The following CCDC171 variants were observed in gnomAD, a reference collection of about 807,000 sequenced individuals.
CCDC171 encodes coiled-coil domain containing 171.
Under a neutral mutation model 168.2 loss-of-function variants are expected in CCDC171, and 177 were observed. That is an observed-to-expected ratio of 1.05 (90% CI 0.93 to 1.19). The LOEUF (loss-of-function observed/expected upper bound fraction) is 1.19. Among genes scored for constraint, CCDC171 ranks in the 50% most tolerant of loss-of-function variants. The pLI, the probability that CCDC171 is intolerant of heterozygous loss-of-function variation, is 0.00. For synonymous variants in CCDC171, 687 were observed against 540.8 expected (o/e 1.27, Z -3.75); for missense variants, 1,991 against 1,539.0 (o/e 1.29, Z -4.91).
At chr9:15,922,315 GT>G (rs1316480254) in intron 25 of CCDC171, 1 of 173,310 alleles carries the variant, frequency 5.8e-6, no homozygotes, top group African/African-American at 2.4e-5. Context: ...TTGTGTGATG[GT>G]TTTTATTTTT....
chr9:15,741,612 T>A (rs1285946052), intron 16 of CCDC171, among the ~76,000 whole-genome samples: 1 of 152,216 alleles, frequency 6.6e-6, no homozygotes, highest in Non-Finnish European at 1.5e-5. Flanking sequence ...TTTTTTTGTA[T>A]GTTAATTTAA....
At chr9:15,585,899 C>G (rs1430676156) in intron 4 of CCDC171, among the ~76,000 whole-genome samples, 1 of 152,084 alleles carries the variant, frequency 6.6e-6, no homozygotes, top group Non-Finnish European at 1.5e-5. Flanking sequence ...TCACTTGAAC[C>G]AAGGAGACAG....
At chr9:15,823,780 G>GA (rs954238569) in intron 21 of CCDC171, among the ~76,000 whole-genome samples, 1 of 151,676 alleles carries the variant, frequency 6.6e-6, no homozygotes, top group Non-Finnish European at 1.5e-5. Flanking sequence ...ATTTTATATT[G>GA]AAAAAAATAA....
chr9:15,678,763 A>T lies in CCDC171; in HGVS notation c.1082A>T (p.Glu361Val). The T allele has an allele frequency of 6.3e-7, 1 of 1,581,258 alleles. No homozygotes were observed. The highest frequency in any genetic ancestry group is 8.5e-7 in the Non-Finnish European group (1 of 1,171,130). ...CTGACACTTTAACTTTTCAGATTAG[A>T]AAAAGAGTATTTCTCCAAAAATAAG... ...QESFAKLNLL[E>V]KEYFSKNKKL... The change falls in exon 10 of 26, where the codon GAA becomes GTA. Residue 361 changes from glutamate (E) to valine (V), a missense_variant. Coordinates refer to ENST00000380701, the MANE Select transcript of CCDC171 (RefSeq NM_173550.4).
At chr9:16,094,109 G>C in the CCDC171 span, among the ~76,000 whole-genome samples, 1 of 152,176 alleles carries the variant, frequency 6.6e-6, no homozygotes, top group African/African-American at 2.4e-5. Context: ...TGGGGAGAGA[G>C]GACCGTGAGT....
At chr9:15,913,942 G>C (rs980547735) in intron 24 of CCDC171, among the ~76,000 whole-genome samples, 1 of 152,222 alleles carries the variant, frequency 6.6e-6, no homozygotes, top group Non-Finnish European at 1.5e-5. Context: ...TTCCACTCCA[G>C]ACCCTGTTTG....
chr9:15,959,018 G>T (rs553559918), intron 25 of CCDC171, among the ~76,000 whole-genome samples: 7 of 152,140 alleles, frequency 4.6e-5, no homozygotes, highest in Non-Finnish European at 8.8e-5. Context: ...TTCACTCTCT[G>T]TGAGTTTATG....
At chr9:15,892,599 T>G (rs1820366615) in intron 24 of CCDC171, among the ~76,000 whole-genome samples, 3 of 151,996 alleles carry the variant, frequency 2.0e-5, no homozygotes, top group Non-Finnish European at 2.9e-5. Context: ...TTCAGCAAAG[T>G]CTCAGAGTAC....
chr9:15,794,744 G>C (rs545625438), intron 21 of CCDC171, among the ~76,000 whole-genome samples: 1 of 152,190 alleles, frequency 6.6e-6, no homozygotes, highest in Non-Finnish European at 1.5e-5. Flanking sequence ...TTTCCTATCA[G>C]AAGTTTGCTG....
intron 3 of CCDC171, among the ~76,000 whole-genome samples, chr9:15,992,822 C>A: frequency 6.6e-6 from 1 of 152,132 alleles, no homozygotes; most frequent in Non-Finnish European, 1.5e-5. Flanking sequence ...AGAGCCAAAT[C>A]ATGAGTGAAC....
chr9:15,670,772 T>A (rs2049053879), intron 9 of CCDC171, among the ~76,000 whole-genome samples: 1 of 152,220 alleles, frequency 6.6e-6, no homozygotes, highest in Non-Finnish European at 1.5e-5. Context: ...GTCTGTCTTA[T>A]GTAACAAGAA....
chr9:16,037,784 AC>A lies in CCDC171; in HGVS notation n.1181+1579del, dbSNP rs752855087. On this transcript the variant is annotated intron_variant and non_coding_transcript_variant, in intron 8 of 9. Transcript: ENST00000486641. ...ATTTAATTCCAATTCAGAATGCATC[AC>A]AAAAACGTAAACATGTGAGGGAGTA... is the stretch of plus-strand genomic sequence containing the variant. Among the ~76,000 whole-genome samples the A allele has an allele frequency of 3.3e-5, 5 of 152,310 alleles. No individual in the cohort carries two copies. The East Asian group carries it at 5.8e-4, about 18-fold the overall frequency.
intron 23 of CCDC171, among the ~76,000 whole-genome samples, chr9:15,863,797 A>C (rs2061658730): frequency 6.6e-6 from 1 of 152,050 alleles, no homozygotes; most frequent in African/African-American, 2.4e-5. Flanking sequence ...TGGCATACAC[A>C]GTTTTTTGTT....
intron 9 of CCDC171, among the ~76,000 whole-genome samples, chr9:15,673,328 T>A (rs925911414): frequency 2.6e-5 from 4 of 152,240 alleles, no homozygotes; most frequent in African/African-American, 7.2e-5. Context: ...CTTTTCCTAA[T>A]TGAATACGCT....
At chr9:15,635,189 G>T (rs1436778229) in intron 7 of CCDC171, among the ~76,000 whole-genome samples, 1 of 152,158 alleles carries the variant, frequency 6.6e-6, no homozygotes, top group East Asian at 1.9e-4. Context: ...GCAAGCTGAG[G>T]AGCAAGGAAG....
At chr9:15,863,277 G>T (rs545138260) in intron 23 of CCDC171, among the ~76,000 whole-genome samples, 1 of 152,108 alleles carries the variant, frequency 6.6e-6, no homozygotes, top group African/African-American at 2.4e-5. Flanking sequence ...AGTGTCTTCA[G>T]TTTTCCCAGT....
At chr9:15,579,662 C>A (rs1378477346) in intron 4 of CCDC171, among the ~76,000 whole-genome samples, 1 of 152,146 alleles carries the variant, frequency 6.6e-6, no homozygotes, top group African/African-American at 2.4e-5. Flanking sequence ...TGGATGACTA[C>A]TATACTGGTT....
rs146542799 is a variant in CCDC171 at position 15,875,370 on chromosome 9, T to A, written c.3600+707T>A. On this transcript the variant is annotated intron_variant, in intron 24 of 25. Coordinates refer to ENST00000380701, the MANE Select transcript of CCDC171 (RefSeq NM_173550.4). ...GTATCCTTCTATTTTATGTCACTATTGTATTAATATTATTGTGATCAATTT... is the reference window on the plus strand; with the variant it reads ...GTATCCTTCTATTTTATGTCACTATAGTATTAATATTATTGTGATCAATTT... 8.3e-4 allele frequency: 126 copies of A among 152,134 alleles called. 1 individual carries two copies. The highest frequency in any genetic ancestry group is 2.8e-3 in the African/African-American group (118 of 41,548). 9.4% of individuals were successfully genotyped at this position (152,134 alleles called of 1,614,324 possible).
At chr9:15,953,449 A>G (rs1156616096) in intron 25 of CCDC171, among the ~76,000 whole-genome samples, 1 of 152,086 alleles carries the variant, frequency 6.6e-6, no homozygotes, top group Non-Finnish European at 1.5e-5. Context: ...TGTGATTTTT[A>G]GCCTTCATTC....
Sources: gnomAD v4.1 joint callset for allele counts (sites outside exome capture counted in the v4.1 genomes callset) on GRCh38, gnomAD v4.1.1 for gene constraint, MANE v1.5 for transcripts, NCBI Gene and HGNC (gene_info 2026-07-23, HGNC 2026-07-21) for gene names.